The following SLIT3 variants were observed in gnomAD, a reference collection of about 807,000 sequenced individuals.
The protein encoded by SLIT3 is slit homolog 3 protein.
A neutral mutation model predicts 184.0 loss-of-function variants in SLIT3; 68 were observed. The observed-to-expected ratio is 0.37, with a 90% CI of 0.30 to 0.45. SLIT3 has a LOEUF of 0.45. Ranked by LOEUF, SLIT3 falls within the 20% of genes least tolerant of loss-of-function variation. The probability of loss-of-function intolerance (pLI) is 1.00; values close to 1 mark genes in which losing one functional copy is unlikely to be tolerated. For missense variants in SLIT3, 1,707 were observed against 2,026.0 expected (o/e 0.84, Z 3.02); for synonymous variants, 831 against 828.6 (o/e 1.00, Z -0.05).
intron 1 of SLIT3, among the ~76,000 whole-genome samples, chr5:169,260,987 C>G (rs144946414): frequency 2.6e-5 from 4 of 152,370 alleles, no homozygotes; most frequent in African/African-American, 7.2e-5. Flanking sequence ...CTATTCAACT[C>G]AGCTTTGTAG....
At chr5:168,875,528 G>C (rs936012013) in intron 5 of SLIT3, among the ~76,000 whole-genome samples, 3 of 152,044 alleles carry the variant, frequency 2.0e-5, no homozygotes, top group Non-Finnish European at 4.4e-5. Flanking sequence ...CAGTTACTTG[G>C]GAGGCTGAAG....
intron 1 of SLIT3, among the ~76,000 whole-genome samples, chr5:169,273,299 G>A (rs576997775): frequency 8.2e-4 from 125 of 152,290 alleles, no homozygotes; most frequent in Non-Finnish European, 1.1e-3. Flanking sequence ...GTTTCTACCT[G>A]AGGCTTGGCT....
At chr5:168,917,686 G>A (rs1205180174) in intron 4 of SLIT3, among the ~76,000 whole-genome samples, 1 of 152,136 alleles carries the variant, frequency 6.6e-6, no homozygotes, top group East Asian at 1.9e-4. Context: ...AGCCAGTATT[G>A]CTTTTATGTC....
chr5:169,072,770 T>G (rs1296452778), intron 4 of SLIT3, among the ~76,000 whole-genome samples: 1 of 152,218 alleles, frequency 6.6e-6, no homozygotes, highest in Non-Finnish European at 1.5e-5. Flanking sequence ...AGTAATCCTT[T>G]GGGCAGCCTT....
At chr5:168,791,142 T>A (rs552242424) in intron 10 of SLIT3, 2 of 152,390 alleles carry the variant, frequency 1.3e-5, no homozygotes, top group South Asian at 4.1e-4. Context: ...TGGCTGCCTA[T>A]GCAAAGCATT....
chr5:168,706,879 A>T (rs1253897465), intron 26 of SLIT3: 3 of 152,290 alleles, frequency 2.0e-5, no homozygotes, highest in African/African-American at 7.2e-5. Flanking sequence ...GGGGGCAGAG[A>T]CCTGGGGATG....
intron 4 of SLIT3, among the ~76,000 whole-genome samples, chr5:169,117,239 A>G (rs897622391): frequency 1.3e-5 from 2 of 152,234 alleles, no homozygotes; most frequent in African/African-American, 4.8e-5. Flanking sequence ...GCCAGGATAC[A>G]TAACTCCACA....
intron 5 of SLIT3, among the ~76,000 whole-genome samples, chr5:168,878,599 T>C (rs1759828806): frequency 6.6e-6 from 1 of 152,232 alleles, no homozygotes; most frequent in Non-Finnish European, 1.5e-5. Context: ...GTGTTACTGA[T>C]GGATGGTAGC....
chr5:169,235,981 G>A lies in SLIT3; in HGVS notation c.341+8724C>T, dbSNP rs555419216. On this transcript the variant is annotated intron_variant, in intron 3 of 35. Transcript: ENST00000519560. ...TTCCCTTTTCACATAGAACTCTTTCGAAGGAAGTGTCTCTGTGAAGTCCAC... is the reference window on the plus strand; with the variant it reads ...TTCCCTTTTCACATAGAACTCTTTCAAAGGAAGTGTCTCTGTGAAGTCCAC... 9.2e-5 allele frequency among the ~76,000 whole-genome samples: 14 copies of A among 152,238 alleles called. No individual in the cohort carries two copies. In the East Asian group the frequency reaches 9.6e-4, roughly 10 times the overall value.
At chr5:168,839,339 G>GGGGCCAGCC (rs1299689297) in intron 6 of SLIT3, among the ~76,000 whole-genome samples, 18 of 152,228 alleles carry the variant, frequency 1.2e-4, no homozygotes, top group African/African-American at 4.3e-4. Flanking sequence ...GGTCAGCACA[G>GGGGCCAGCC]GGGCCACGTG....
chr5:169,273,543 TG>T (rs1766699283), intron 1 of SLIT3, among the ~76,000 whole-genome samples: 1 of 152,194 alleles, frequency 6.6e-6, no homozygotes, highest in Non-Finnish European at 1.5e-5. Context: ...CAGGCCACAC[TG>T]CAGACCAACT....
At chr5:169,158,789 G>A (rs1762386686) in intron 4 of SLIT3, among the ~76,000 whole-genome samples, 1 of 151,944 alleles carries the variant, frequency 6.6e-6, no homozygotes, top group Non-Finnish European at 1.5e-5. Context: ...AATACCTAGA[G>A]GCACTACTAA....
At chr5:169,256,022 C>T (rs1038223387) in intron 1 of SLIT3, among the ~76,000 whole-genome samples, 3 of 152,204 alleles carry the variant, frequency 2.0e-5, no homozygotes, top group Non-Finnish European at 2.9e-5. Context: ...ATTCACCCAC[C>T]ACTCACTCAC....
intron 4 of SLIT3, among the ~76,000 whole-genome samples, chr5:169,006,607 A>T (rs61200010): frequency 0.18 from 23,503 of 129,740 alleles, 2,058 homozygotes; most frequent in African/African-American, 0.34. Flanking sequence ...TCTCTCTCTC[A>T]CACACACACA....
intron 2 of SLIT3, among the ~76,000 whole-genome samples, chr5:169,249,185 T>C (rs929778432): frequency 2.6e-5 from 4 of 152,200 alleles, no homozygotes; most frequent in Non-Finnish European, 5.9e-5. Flanking sequence ...TAGAAAGCAT[T>C]TCAGCTATTC....
At chr5:168,856,766 CGTGTGTGTGT>C (rs372608852) in intron 5 of SLIT3, among the ~76,000 whole-genome samples, 97 of 132,932 alleles carry the variant, frequency 7.3e-4, no homozygotes, top group Middle Eastern at 4.2e-3. Context: ...CTGAGTTCCT[CGTGTGTGTGT>C]GTGTGTGTGT....
intron 27 of SLIT3, among the ~76,000 whole-genome samples, chr5:168,700,300 G>T (rs1312570653): frequency 6.6e-6 from 1 of 152,090 alleles, no homozygotes; most frequent in Non-Finnish European, 1.5e-5. Context: ...GAATCACGGG[G>T]GCAGTTTCTC....
chr5:168,781,530 C>A (rs2337512), intron 12 of SLIT3, among the ~76,000 whole-genome samples: 1 of 151,954 alleles, frequency 6.6e-6, no homozygotes, highest in African/African-American at 2.4e-5. Flanking sequence ...CTGCTGGAGA[C>A]AATTCTCATT....
intron 22 of SLIT3, 64 bp downstream of exon 22, chr5:168,722,869 G>C: frequency 1.6e-6 from 2 of 1,268,144 alleles, no homozygotes; most frequent in South Asian, 2.4e-5. Flanking sequence ...GGGAGGGAGG[G>C]AAAGAGTAAC....
Sources: allele counts gnomAD v4.1 joint callset (sites outside exome capture counted in the v4.1 genomes callset), GRCh38; gene constraint gnomAD v4.1.1; transcripts MANE v1.5; gene names NCBI Gene and HGNC (gene_info 2026-07-23, HGNC 2026-07-21).